SEMA6D: variants seen among roughly 807,000 people sequenced by gnomAD.
The protein encoded by SEMA6D is semaphorin 6D, also known as semaphorin-6D.
Under a neutral mutation model 106.6 loss-of-function variants are expected in SEMA6D, and 35 were observed. That is an observed-to-expected ratio of 0.33 (90% CI 0.25 to 0.44). SEMA6D has a LOEUF of 0.44. Ranked by LOEUF, SEMA6D falls within the 20% of genes least tolerant of loss-of-function variation. SEMA6D has a pLI of 1.00. For synonymous variants in SEMA6D, 499 were observed against 487.7 expected (o/e 1.02, Z -0.31); for missense variants, 1,185 against 1,345.9 (o/e 0.88, Z 1.87).
intron 1 of SEMA6D, among the ~76,000 whole-genome samples, chr15:47,223,552 C>T (rs982960287): frequency 2.0e-5 from 3 of 151,948 alleles, no homozygotes; most frequent in African/African-American, 4.8e-5. Flanking sequence ...TTCATATGGA[C>T]AGTTTTCTGA....
chr15:47,193,687 T>G (rs576333297), intron 1 of SEMA6D, among the ~76,000 whole-genome samples: 1 of 152,240 alleles, frequency 6.6e-6, no homozygotes, highest in Admixed American at 6.5e-5. Flanking sequence ...AAAACTCTTG[T>G]TCTGTCACAG....
At chr15:47,620,587 A>G (rs1013667722) in intron 4 of SEMA6D, among the ~76,000 whole-genome samples, 3 of 152,088 alleles carry the variant, frequency 2.0e-5, no homozygotes, top group Non-Finnish European at 4.4e-5. Flanking sequence ...CCGTATATTC[A>G]TCTTCCTTAC....
chr15:47,468,892 A>C (rs1374246120), intron 2 of SEMA6D, among the ~76,000 whole-genome samples: 5 of 152,104 alleles, frequency 3.3e-5, no homozygotes, highest in African/African-American at 1.2e-4. Flanking sequence ...GATTTCCAAG[A>C]CCAATTCCTC....
At chr15:47,402,898 G>A (rs1219842051) in intron 1 of SEMA6D, among the ~76,000 whole-genome samples, 1 of 152,130 alleles carries the variant, frequency 6.6e-6, no homozygotes. Flanking sequence ...ACCTCAAGAG[G>A]CAAAGCCTCC....
At chr15:47,278,946 G>A (rs1158112013) in intron 1 of SEMA6D, among the ~76,000 whole-genome samples, 2 of 146,146 alleles carry the variant, frequency 1.4e-5, no homozygotes, top group Admixed American at 7.0e-5. Flanking sequence ...TTATTTCTGA[G>A]GGCTCTGTTC....
chr15:47,408,860 C>G (rs1463757729), intron 1 of SEMA6D, among the ~76,000 whole-genome samples: 1 of 152,174 alleles, frequency 6.6e-6, no homozygotes, highest in East Asian at 1.9e-4. Flanking sequence ...AGGTGCTTCT[C>G]CCTCCATTCC....
intron 1 of SEMA6D, among the ~76,000 whole-genome samples, chr15:47,251,039 A>T (rs2033485396): frequency 6.6e-6 from 1 of 152,210 alleles, no homozygotes; most frequent in African/African-American, 2.4e-5. Context: ...GCTACCTAAG[A>T]TCTGTCTTTG....
chr15:47,273,417 AAT>A (rs2034651164), intron 1 of SEMA6D, among the ~76,000 whole-genome samples: 1 of 152,206 alleles, frequency 6.6e-6, no homozygotes, highest in African/African-American at 2.4e-5. Context: ...GATAGAAATC[AAT>A]AGTCTCTGCT....
intron 1 of SEMA6D, among the ~76,000 whole-genome samples, chr15:47,316,440 A>C (rs1386428303): frequency 6.6e-6 from 1 of 151,988 alleles, no homozygotes; most frequent in Non-Finnish European, 1.5e-5. Context: ...TATAGTGTTT[A>C]AAAGCAGTAG....
chr15:47,291,224 A>G (rs184036877), intron 1 of SEMA6D, among the ~76,000 whole-genome samples: 5 of 152,370 alleles, frequency 3.3e-5, no homozygotes, highest in Admixed American at 3.3e-4. Context: ...CCTCAGTGCT[A>G]TAAGGGCAAA....
intron 4 of SEMA6D, among the ~76,000 whole-genome samples, chr15:47,610,213 T>A (rs2143820274): frequency 6.6e-6 from 1 of 152,356 alleles, no homozygotes; most frequent in East Asian, 1.9e-4. Context: ...GGCCGTAGGC[T>A]GACTTCCTAC....
At chr15:47,277,881 C>T (rs1168600322) in intron 1 of SEMA6D, among the ~76,000 whole-genome samples, 3 of 149,548 alleles carry the variant, frequency 2.0e-5, no homozygotes, top group Admixed American at 6.7e-5. Context: ...TTTGTTCTTG[C>T]GATAGTTTAC....
intron 1 of SEMA6D, among the ~76,000 whole-genome samples, chr15:47,230,868 A>G (rs1192670231): frequency 6.6e-6 from 1 of 152,154 alleles, no homozygotes; most frequent in East Asian, 1.9e-4. Flanking sequence ...TTTTATATAT[A>G]AAATACAGAT....
intron 3 of SEMA6D, among the ~76,000 whole-genome samples, chr15:47,593,759 C>T (rs1596387286): frequency 6.6e-6 from 1 of 152,134 alleles, no homozygotes; most frequent in Non-Finnish European, 1.5e-5. Context: ...GAGGAGGTCT[C>T]AGGAAACTTA....
At chr15:47,602,018 C>T (rs1431462600) in intron 4 of SEMA6D, among the ~76,000 whole-genome samples, 1 of 152,142 alleles carries the variant, frequency 6.6e-6, no homozygotes, top group Non-Finnish European at 1.5e-5. Flanking sequence ...TTTACTATTG[C>T]TACCCCCATA....
chr15:47,696,896 T>C (rs2078710358), intron 4 of SEMA6D, among the ~76,000 whole-genome samples: 1 of 152,168 alleles, frequency 6.6e-6, no homozygotes, highest in East Asian at 1.9e-4. Context: ...TAACTGAATA[T>C]TTGACACAAT....
chr15:47,687,801 G>A (rs1333742974), intron 4 of SEMA6D, among the ~76,000 whole-genome samples: 1 of 152,132 alleles, frequency 6.6e-6, no homozygotes, highest in Non-Finnish European at 1.5e-5. Flanking sequence ...TTTGAGATGT[G>A]AAGGATGGGG....
chr15:47,739,521 G>A (rs1455425790), intron 1 of SEMA6D, among the ~76,000 whole-genome samples: 2 of 152,106 alleles, frequency 1.3e-5, no homozygotes, highest in Non-Finnish European at 2.9e-5. Context: ...GGTTTTAGTG[G>A]TGGGTCTGAG....
chr15:47,687,498 A>G (rs117410926), intron 4 of SEMA6D, among the ~76,000 whole-genome samples: 1,545 of 152,320 alleles, frequency 0.01, 12 homozygotes, highest in South Asian at 0.046. Flanking sequence ...AAGCAGAGAA[A>G]TAGATATTCA....
Sources: gnomAD v4.1 joint callset for allele counts (sites outside exome capture counted in the v4.1 genomes callset) on GRCh38, gnomAD v4.1.1 for gene constraint, MANE v1.5 for transcripts, NCBI Gene and HGNC (gene_info 2026-07-23, HGNC 2026-07-21) for gene names.